The following COPE variants were observed in gnomAD, a reference collection of about 807,000 sequenced individuals.
COPE encodes coat protein complex I subunit epsilon.
In COPE, 19 loss-of-function variants were observed where a neutral mutation model predicts 42.1. That is an observed-to-expected ratio of 0.45 (90% confidence interval 0.31 to 0.66). The LOEUF (loss-of-function observed/expected upper bound fraction) is 0.66, where lower values mean the gene tolerates loss of function less well. Among genes scored for constraint, COPE ranks in the 30% least tolerant of loss-of-function variants. COPE has a pLI of 0.05. For synonymous variants in COPE, 195 were observed against 181.3 expected, an observed-to-expected ratio of 1.08 and a Z score of -0.60; for missense variants, 402 against 416.1, an observed-to-expected ratio of 0.97 and a Z score of 0.30.
At chr19:18,910,729 G>A (rs1423273493) in intron 3 of COPE, 7 of 570,604 alleles carry the variant, frequency 1.2e-5, no homozygotes, top group Non-Finnish European at 6.3e-6. Flanking sequence ...GTCCATGAGG[G>A]CGTGTGCACA....
At chr19:18,901,298 C>T (rs1476640438) in intron 7 of COPE, among the ~76,000 whole-genome samples, 1 of 152,252 alleles carries the variant, frequency 6.6e-6, no homozygotes, top group Non-Finnish European at 1.5e-5. Context: ...GTAACAAAAG[C>T]CCCCAGAGGA....
chr19:18,904,059 G>A (rs1362237847), intron 6 of COPE, among the ~76,000 whole-genome samples: 3 of 152,200 alleles, frequency 2.0e-5, no homozygotes, highest in African/African-American at 4.8e-5. Context: ...TCCACCTCCC[G>A]GGTTCAAGCG....
In COPE at chr19:18,907,127, T is replaced by C. The variant is rs2056768420; in HGVS notation, c.291-15A>G. Reference sequence around the variant, plus strand: ...CGATGCTGTCCCTGCAAGACAGAGATGCTCACGACCCACAGCTGGGGTGGC... The same window carrying C: ...CGATGCTGTCCCTGCAAGACAGAGACGCTCACGACCCACAGCTGGGGTGGC... On this transcript the variant is annotated splice_polypyrimidine_tract_variant and intron_variant, in intron 3 of 9. Transcript: ENST00000262812. 6.2e-7 allele frequency: 1 copy of C among 1,608,412 alleles called. No homozygotes were observed. The highest frequency in any genetic ancestry group is 1.3e-5 in the African/African-American group (1 of 74,846).
At chr19:18,900,055 C>T in intron 8 of COPE, 108 bp from the exon 9 acceptor site, 1 of 899,770 alleles carries the variant, frequency 1.1e-6, no homozygotes, top group Non-Finnish European at 1.7e-6. Flanking sequence ...CCCCAGGGGG[C>T]TCCTCACCCT....
intron 1 of COPE, among the ~76,000 whole-genome samples, chr19:18,913,742 C>T (rs1380539556): frequency 2.0e-5 from 3 of 152,118 alleles, no homozygotes; most frequent in Admixed American, 2.0e-4. Context: ...CTGGGGGCTT[C>T]GAGAGGAAAG....
chr19:18,904,559 A>G (rs1243171969), intron 6 of COPE, among the ~76,000 whole-genome samples: 2 of 152,156 alleles, frequency 1.3e-5, no homozygotes, highest in Non-Finnish European at 2.9e-5. Flanking sequence ...CCCCGCCCCC[A>G]CCATCTCTTC....
intron 1 of COPE, among the ~76,000 whole-genome samples, chr19:18,914,125 T>G (rs1310401423): frequency 6.6e-6 from 1 of 152,046 alleles, no homozygotes; most frequent in African/African-American, 2.4e-5. Flanking sequence ...CAAGATGCCA[T>G]CTAAATAAAT....
intron 3 of COPE, among the ~76,000 whole-genome samples, chr19:18,909,307 G>C (rs2056789543): frequency 6.6e-6 from 1 of 152,210 alleles, no homozygotes; most frequent in South Asian, 2.1e-4. Context: ...GGCAGTTAAG[G>C]ACAACAGGGA....
intron 1 of COPE, among the ~76,000 whole-genome samples, chr19:18,916,977 TTCACAG>T (rs1275524229): frequency 4.0e-5 from 6 of 149,510 alleles, no homozygotes; most frequent in Non-Finnish European, 8.9e-5. Context: ...AAAGTATTCC[TTCACAG>T]TCACAGTCCT....
rs756229569 is a variant in COPE at position 18,899,677 on chromosome 19, C to T, written c.*2G>A. The T allele has an allele frequency of 6.2e-7, 1 of 1,613,358 alleles. No individual in the cohort carries two copies. The highest frequency in any genetic ancestry group is 1.3e-5 in the African/African-American group (1 of 74,916). The stretch of plus-strand genomic sequence containing the variant: ...CATGGTCCTGACAGCTCTGGGCCAG[C>T]CTCAGGCGCTGGGAGCGTACTGTAG... On this transcript the variant is annotated 3_prime_UTR_variant, in exon 10 of 10. Transcript: ENST00000262812.
intron 4 of COPE, 93 bp downstream of exon 4, chr19:18,906,867 A>T (rs1372236082): frequency 7.2e-7 from 1 of 1,396,758 alleles, no homozygotes; most frequent in Non-Finnish European, 9.5e-7. Flanking sequence ...CTCTGCTCCC[A>T]TGACGACAGC....
intron 3 of COPE, 24 bp from the exon 4 acceptor site, chr19:18,907,136 C>A: frequency 6.2e-7 from 1 of 1,605,122 alleles, no homozygotes; most frequent in Non-Finnish European, 8.5e-7. Context: ...ATGCTCACGA[C>A]CCACAGCTGG....
intron 2 of COPE, chr19:18,911,398 TG>T (rs368309609): frequency 7.1e-5 from 24 of 336,758 alleles, no homozygotes; most frequent in African/African-American, 5.0e-4. Context: ...GCAGCAGTTA[TG>T]GGGGTTGTGA....
chr19:18,900,258 G>A lies in COPE; in HGVS notation c.804+123C>T. 3 of 794,852 alleles carry A rather than the reference G, an allele frequency of 3.8e-6. No homozygotes were observed. The South Asian group carries it at 5.5e-5, about 15-fold the overall frequency. The allele number at this position is 794,852 out of a possible 1,614,324, so 49.2% of individuals were successfully genotyped here. ...GGGCACAGGGTTTGTGAGGGAGGTG[G>A]GCTGCGGTAGGCATACTGTATACAG... On this transcript the variant is annotated intron_variant, in intron 8 of 9. Coordinates refer to ENST00000262812, the MANE Select transcript of COPE (RefSeq NM_007263.4).
intron 1 of COPE, among the ~76,000 whole-genome samples, chr19:18,916,069 C>T (rs576632830): frequency 1.3e-5 from 2 of 152,344 alleles, no homozygotes; most frequent in African/African-American, 4.8e-5. Flanking sequence ...CCTGTAATCC[C>T]ACCTACTCGG....
intron 2 of COPE, among the ~76,000 whole-genome samples, chr19:18,912,448 C>A (rs957689018): frequency 6.7e-6 from 1 of 149,606 alleles, no homozygotes; most frequent in Non-Finnish European, 1.5e-5. Context: ...CTGGCTCCTA[C>A]CAATTATTTT....
At chr19:18,907,393 C>T (rs955686112) in intron 3 of COPE, among the ~76,000 whole-genome samples, 1 of 152,182 alleles carries the variant, frequency 6.6e-6, no homozygotes. Flanking sequence ...CCAACCTCAC[C>T]CGCCTTCCTG....
intron 1 of COPE, among the ~76,000 whole-genome samples, chr19:18,914,605 C>T (rs190736601): frequency 6.6e-6 from 1 of 151,502 alleles, no homozygotes; most frequent in Admixed American, 6.6e-5. Context: ...GGTGACTAGC[C>T]CAGGGCCACA....
At chr19:18,901,034 T>C (rs1555708826) in intron 7 of COPE, among the ~76,000 whole-genome samples, 3 of 152,172 alleles carry the variant, frequency 2.0e-5, no homozygotes, top group Admixed American at 6.5e-5. Context: ...GACCGGACTT[T>C]TCTGAGCCTC....
Sources: gnomAD v4.1 joint callset for allele counts (sites outside exome capture counted in the v4.1 genomes callset) on GRCh38, gnomAD v4.1.1 for gene constraint, MANE v1.5 for transcripts, NCBI Gene and HGNC (gene_info 2026-07-23, HGNC 2026-07-21) for gene names.